TRAIP: variants seen among roughly 807,000 people sequenced by gnomAD.
The protein encoded by TRAIP is TRAF interacting protein.
TRAIP carries 37 observed loss-of-function variants against 65.0 expected under a neutral mutation model. The ratio of observed to expected loss-of-function variants is 0.57; its 90% confidence interval spans 0.44 to 0.75. The LOEUF (loss-of-function observed/expected upper bound fraction) is 0.75, where lower values mean the gene tolerates loss of function less well. Ranked by LOEUF, TRAIP falls within the 30% of genes least tolerant of loss-of-function variation. The pLI is 0.00. For synonymous variants in TRAIP, 187 were observed against 219.1 expected (o/e 0.85, Z 1.29); for missense variants, 481 against 579.4 (o/e 0.83, Z 1.74).
chr3:49,851,002 C>T (rs1025083549), intron 1 of TRAIP, among the ~76,000 whole-genome samples: 1 of 151,032 alleles, frequency 6.6e-6, no homozygotes, highest in Non-Finnish European at 1.5e-5. Flanking sequence ...ACTTTCGAGA[C>T]AGGGTCTCAC....
At chr3:49,840,904 A>G in intron 8 of TRAIP, 81 bp downstream of exon 8, 1 of 1,359,240 alleles carries the variant, frequency 7.4e-7, no homozygotes, top group Non-Finnish European at 1.1e-6. Context: ...ATCAGGTCCC[A>G]TGGCCTTGCT....
At chr3:49,848,059 T>C in intron 2 of TRAIP, 84 bp downstream of exon 2, 3 of 1,499,106 alleles carry the variant, frequency 2.0e-6, no homozygotes, top group Non-Finnish European at 2.8e-6. Flanking sequence ...TCAGAGATAT[T>C]GCAGTTTCAG....
At chr3:49,844,428 G>A (rs2081865953) in intron 4 of TRAIP, 113 bp downstream of exon 4, 2 of 1,156,434 alleles carry the variant, frequency 1.7e-6, no homozygotes, top group Non-Finnish European at 1.3e-6. Context: ...GACATACAAA[G>A]CAGGGAAAGG....
intron 10 of TRAIP, among the ~76,000 whole-genome samples, chr3:49,836,416 G>A (rs2081786897): frequency 6.6e-6 from 1 of 151,942 alleles, no homozygotes; most frequent in African/African-American, 2.4e-5. Context: ...CTCTTCAACC[G>A]GGAAGCGGAG....
intron 10 of TRAIP, among the ~76,000 whole-genome samples, chr3:49,837,369 G>A (rs1003830106): frequency 6.6e-6 from 1 of 151,792 alleles, no homozygotes; most frequent in South Asian, 2.1e-4. Flanking sequence ...GCTGAGGCAG[G>A]ATCACATCAC....
At position 49,856,538 on chromosome 3, in the gene TRAIP, T is replaced by A; in HGVS notation, c.-85A>T. 7.8e-7 allele frequency: 1 copy of A among 1,287,512 alleles called. No homozygotes were observed. The highest frequency in any genetic ancestry group is 2.0e-4 in the Middle Eastern group (1 of 5,064). The allele number at this position is 1,287,512 out of a possible 1,614,324, so 79.8% of individuals were successfully genotyped here. ...GACGCGCCCCCGCGCCTCCGCTTGC[T>A]TCAAATTTGGCTCCGCAGCACGACT... On this transcript the variant is annotated 5_prime_UTR_variant, in exon 1 of 15. The change creates a new upstream start codon in the 5' untranslated region. Transcript: ENST00000331456.
At chr3:49,841,202 C>T (rs2081836681) in intron 7 of TRAIP, 130 bp from the exon 8 acceptor site, 1 of 755,388 alleles carries the variant, frequency 1.3e-6, no homozygotes, top group Non-Finnish European at 2.3e-6. Flanking sequence ...GACACCTGAG[C>T]CCAACAAGTA....
chr3:49,836,981 CA>C (rs982279277), intron 10 of TRAIP, among the ~76,000 whole-genome samples: 10 of 114,980 alleles, frequency 8.7e-5, no homozygotes, highest in Non-Finnish European at 1.5e-4. Context: ...TTTTTTGAGA[CA>C]GGTCTCACTC....
chr3:49,856,412 G>A lies in TRAIP; in HGVS notation c.42C>T (p.Phe14=). 6.2e-7 allele frequency: 1 copy of A among 1,614,206 alleles called. No homozygotes were observed. The highest frequency in any genetic ancestry group is 1.7e-5 in the Admixed American group (1 of 60,028). The part of the protein sequence containing the change: ...RALCTICSDF[F]DHSRDVAAIH... Reference sequence around the variant, plus strand: ...TGGCGGCCACGTCGCGGGAGTGATCGAAGAAGTCGGAGCAGATAGTGCACA... The same window carrying A: ...TGGCGGCCACGTCGCGGGAGTGATCAAAGAAGTCGGAGCAGATAGTGCACA... Residue 14 remains phenylalanine, a synonymous_variant, in exon 1 of 15, where the codon TTC becomes TTT. Transcript: ENST00000331456.
chr3:49,851,663 T>C lies in TRAIP; in HGVS notation c.99-3463A>G, dbSNP rs150381745. Among the ~76,000 whole-genome samples, 672 of 152,004 alleles carry C rather than the reference T, an allele frequency of 4.4e-3. 2 individuals carry two copies. Among genetic ancestry groups the C allele is most frequent in the Non-Finnish European group, 6.9e-3 (471 of 67,992 alleles). ...CCAGCCACCTCCCAAAGTGCTGGGATTAAAGGGGTGAGCCATCATGCCTAG... is the reference window on the plus strand; with the variant it reads ...CCAGCCACCTCCCAAAGTGCTGGGACTAAAGGGGTGAGCCATCATGCCTAG... On this transcript the variant is annotated intron_variant, in intron 1 of 14. Transcript: ENST00000331456.
chr3:49,853,162 A>G (rs547124952), intron 1 of TRAIP, among the ~76,000 whole-genome samples: 1 of 152,212 alleles, frequency 6.6e-6, no homozygotes, highest in East Asian at 1.9e-4. Context: ...AAAGAAATTC[A>G]TATTGGATAC....
In TRAIP at chr3:49,830,063, G is replaced by C; in HGVS notation, c.1043C>G (p.Pro348Arg). The C allele has an allele frequency of 6.2e-7, 1 of 1,614,150 alleles. No homozygotes were observed. The highest frequency in any genetic ancestry group is 8.5e-7 in the Non-Finnish European group (1 of 1,180,020). Residue 348 changes from proline (P) to arginine (R), a missense_variant, in exon 12 of 15, where the codon CCA (proline) becomes CGA (arginine). Transcript: ENST00000331456. ...TATCTTCTTGGGGACATCCTGAATT[G>C]GGGAGCTACAAGAATGAGAGAGAAG... is the stretch of plus-strand genomic sequence containing the variant. ...EKLCLEKSHS[P>R]IQDVPKKICK... is the part of the protein sequence containing the mutation.
intron 4 of TRAIP, among the ~76,000 whole-genome samples, 167 bp downstream of exon 4, chr3:49,844,374 T>C (rs1448402370): frequency 6.6e-6 from 1 of 151,956 alleles, no homozygotes; most frequent in Non-Finnish European, 1.5e-5. Context: ...TCACCTCCCT[T>C]CCCTCTCTTT....
chr3:49,842,001 GCCGCT>G, intron 6 of TRAIP, 62 bp from the exon 7 acceptor site: 1 of 1,320,156 alleles, frequency 7.6e-7, no homozygotes, highest in Non-Finnish European at 1.1e-6. Context: ...GGTACCCAGT[GCCGCT>G]CTGCCTTCCT....
chr3:49,851,841 C>T lies in TRAIP; in HGVS notation c.99-3641G>A, dbSNP rs113306549. Among the ~76,000 whole-genome samples, 18 of 151,630 alleles carry T rather than the reference C, an allele frequency of 1.2e-4. No homozygotes were observed. The East Asian group carries it at 2.6e-3, about 22-fold the overall frequency. On this transcript the variant is annotated intron_variant, in intron 1 of 14. Coordinates refer to ENST00000331456, the MANE Select transcript of TRAIP (RefSeq NM_005879.3). ...CCTTCCAAGTAGCTGGGACTAGAGG[C>T]GCCCGCCACCATGCCCGGCTAATTT... is the stretch of plus-strand genomic sequence containing the variant.
chr3:49,851,511 T>C (rs1163530846), intron 1 of TRAIP, among the ~76,000 whole-genome samples: 1 of 152,082 alleles, frequency 6.6e-6, no homozygotes, highest in African/African-American at 2.4e-5. Flanking sequence ...GCCTCAGCCT[T>C]GCAAGTAGTT....
intron 10 of TRAIP, among the ~76,000 whole-genome samples, chr3:49,833,430 C>T (rs1340128376): frequency 2.6e-5 from 4 of 152,154 alleles, no homozygotes; most frequent in Non-Finnish European, 5.9e-5. Context: ...CCCTCACTCC[C>T]CATATCCACA....
intron 4 of TRAIP, 149 bp downstream of exon 4, chr3:49,844,392 C>T: frequency 1.2e-6 from 1 of 852,946 alleles, no homozygotes; most frequent in Non-Finnish European, 1.8e-6. Flanking sequence ...TTTTTCTGCC[C>T]ACCACAACAG....
chr3:49,842,581 G>T, intron 5 of TRAIP, 34 bp from the exon 6 acceptor site: 1 of 1,594,108 alleles, frequency 6.3e-7, no homozygotes, highest in South Asian at 1.1e-5. Flanking sequence ...CTGATGCTTG[G>T]AGGCCCTCAG....
Sources: gnomAD v4.1 joint callset for allele counts (sites outside exome capture counted in the v4.1 genomes callset) on GRCh38, gnomAD v4.1.1 for gene constraint, MANE v1.5 for transcripts, NCBI Gene and HGNC (gene_info 2026-07-23, HGNC 2026-07-21) for gene names.